STPG2: variants seen among roughly 807,000 people sequenced by gnomAD.
STPG2 encodes sperm-tail PG-rich repeat-containing protein 2.
A neutral mutation model predicts 54.2 loss-of-function variants in STPG2; 56 were observed. That is an observed-to-expected ratio of 1.03 (90% CI 0.83 to 1.29). STPG2 has a LOEUF of 1.29. Ranked by LOEUF, STPG2 falls within the 50% of genes most tolerant of loss-of-function variation. The pLI, the probability that STPG2 is intolerant of heterozygous loss-of-function variation, is 0.00. For synonymous variants in STPG2, 200 were observed against 181.8 expected, an observed-to-expected ratio of 1.10 and a Z score of -0.81; for missense variants, 596 against 544.9, an observed-to-expected ratio of 1.09 and a Z score of -0.93.
In STPG2 at chr4:98,038,081, C is replaced by A. The variant is rs981765100; in HGVS notation, c.613-56763G>T. Among the ~76,000 whole-genome samples, 8 of 151,704 alleles carry A rather than the reference C, an allele frequency of 5.3e-5. No homozygotes were observed. In the East Asian group the frequency reaches 1.5e-3, roughly 29 times the overall value. ...TTTAAGACAGGGTCTTGCTATGGTG[C>A]CCAGGCTAGCCTTGAACTCCTGGGC... On this transcript the variant is annotated intron_variant, in intron 5 of 10. Coordinates refer to ENST00000295268, the MANE Select transcript of STPG2 (RefSeq NM_174952.3).
At chr4:97,886,264 A>T (rs901436492) in intron 8 of STPG2, among the ~76,000 whole-genome samples, 14 of 152,242 alleles carry the variant, frequency 9.2e-5, no homozygotes, top group African/African-American at 3.4e-4. Context: ...GGCAAAAAAG[A>T]CTAAATCAAT....
intron 8 of STPG2, among the ~76,000 whole-genome samples, chr4:97,940,249 CT>C (rs1213343012): frequency 2.6e-5 from 4 of 152,124 alleles, no homozygotes; most frequent in Non-Finnish European, 1.5e-5. Context: ...TCATTTCAAC[CT>C]TGGAAAATCT....
At chr4:97,793,021 G>A (rs1055775034) in intron 9 of STPG2, among the ~76,000 whole-genome samples, 12 of 151,902 alleles carry the variant, frequency 7.9e-5, no homozygotes, top group Non-Finnish European at 1.5e-5. Flanking sequence ...GGCTTGGTGG[G>A]GAGTCACCTG....
intron 10 of STPG2, among the ~76,000 whole-genome samples, chr4:97,598,806 A>G (rs979118949): frequency 3.3e-5 from 5 of 152,162 alleles, no homozygotes; most frequent in African/African-American, 9.7e-5. Context: ...TAAAACCTAA[A>G]TCTATAAAAA....
chr4:97,592,443 G>T (rs1007594284), intron 10 of STPG2, among the ~76,000 whole-genome samples: 1 of 151,868 alleles, frequency 6.6e-6, no homozygotes, highest in African/African-American at 2.4e-5. Context: ...CACATATAAA[G>T]CCTACTTTTA....
intron 10 of STPG2, among the ~76,000 whole-genome samples, chr4:97,596,813 G>A (rs1465072021): frequency 6.6e-6 from 1 of 151,902 alleles, no homozygotes; most frequent in Admixed American, 6.6e-5. Flanking sequence ...ACCAAAAAGT[G>A]AGAAAAATCT....
intron 4 of STPG2, among the ~76,000 whole-genome samples, chr4:97,538,571 G>A (rs765977164): frequency 3.9e-5 from 6 of 152,192 alleles, no homozygotes; most frequent in Non-Finnish European, 5.9e-5. Flanking sequence ...TCTCATTGGT[G>A]TACCTGAAAG....
chr4:97,630,250 T>A (rs1578436812), intron 10 of STPG2, among the ~76,000 whole-genome samples: 1 of 151,928 alleles, frequency 6.6e-6, no homozygotes, highest in South Asian at 2.1e-4. Flanking sequence ...TGCTTTGTTT[T>A]ATTAATTTCC....
At position 97,768,182 on chromosome 4, in the gene STPG2, A is replaced by G. The variant is rs927637174; in HGVS notation, c.1205-55368T>C. Among the ~76,000 whole-genome samples the G allele has an allele frequency of 1.2e-4, 18 of 149,870 alleles. No homozygotes were observed. In the South Asian group the frequency reaches 3.2e-3, roughly 27 times the overall value. On this transcript the variant is annotated intron_variant, in intron 9 of 10. Transcript: ENST00000295268. ...ACTCCGTCTCAAAAAAAAAAAAAAC[A>G]TAAGAGTTAACCTCTTGATACTAGG...
intron 10 of STPG2, among the ~76,000 whole-genome samples, chr4:97,692,711 T>C (rs1427774877): frequency 6.6e-6 from 1 of 152,200 alleles, no homozygotes; most frequent in African/African-American, 2.4e-5. Flanking sequence ...AGGAAATGTA[T>C]TGTGAAATGA....
intron 4 of STPG2, among the ~76,000 whole-genome samples, chr4:97,530,035 C>A (rs929981492): frequency 6.6e-5 from 10 of 152,082 alleles, no homozygotes; most frequent in Non-Finnish European, 1.0e-4. Flanking sequence ...TATTAGTTAA[C>A]TCCTGTGAAA....
intron 5 of STPG2, among the ~76,000 whole-genome samples, chr4:98,105,044 G>A (rs571634104): frequency 2.8e-4 from 42 of 152,314 alleles, no homozygotes; most frequent in South Asian, 2.3e-3. Flanking sequence ...AGACTCATAC[G>A]CTGCTGAGTG....
intron 7 of STPG2, among the ~76,000 whole-genome samples, chr4:97,960,222 C>A (rs1309078750): frequency 3.3e-5 from 5 of 152,088 alleles, no homozygotes; most frequent in African/African-American, 9.7e-5. Context: ...CCATCTATGA[C>A]AAACCACAAC....
chr4:97,592,268 T>C lies in STPG2; in HGVS notation c.1321-33151A>G, dbSNP rs918802455. ...ATATCAATCCATTCTTAAAATCTAA[T>C]AAATGAAAGCCAAAAAATATTAGAA... On this transcript the variant is annotated intron_variant, in intron 10 of 10. Coordinates refer to ENST00000295268, the MANE Select transcript of STPG2 (RefSeq NM_174952.3). Among the ~76,000 whole-genome samples the C allele has an allele frequency of 7.9e-4, 121 of 152,264 alleles. 2 individuals are homozygous for C. The highest frequency in any genetic ancestry group is 1.0e-4 in the Non-Finnish European group (7 of 68,012).
At position 97,737,755 on chromosome 4, in the gene STPG2, G is replaced by A. The variant is rs182937642; in HGVS notation, c.1205-24941C>T. Among the ~76,000 whole-genome samples the A allele has an allele frequency of 1.4e-3, 212 of 152,290 alleles. 6 individuals are homozygous for A. In the East Asian group the frequency reaches 0.038, roughly 27 times the overall value. On this transcript the variant is annotated intron_variant, in intron 9 of 10. Transcript: ENST00000295268. ...TCTCATCGGTGTACCTGAAAGTGACGGGGAGAATGGAACCAAGCTGGAAAA... is the reference window on the plus strand; with the variant it reads ...TCTCATCGGTGTACCTGAAAGTGACAGGGAGAATGGAACCAAGCTGGAAAA...
chr4:97,928,301 C>T (rs1732410299), intron 8 of STPG2, among the ~76,000 whole-genome samples: 1 of 152,050 alleles, frequency 6.6e-6, no homozygotes, highest in Non-Finnish European at 1.5e-5. Context: ...CTTAATTTAG[C>T]CTGTGTATTG....
intron 9 of STPG2, among the ~76,000 whole-genome samples, chr4:97,750,000 T>C (rs538147246): frequency 6.6e-6 from 1 of 151,986 alleles, no homozygotes; most frequent in South Asian, 2.1e-4. Flanking sequence ...ACTTTATATG[T>C]TATTTTCTCA....
At chr4:97,945,109 G>T (rs142546853) in intron 7 of STPG2, among the ~76,000 whole-genome samples, 225 of 152,118 alleles carry the variant, frequency 1.5e-3, no homozygotes, top group African/African-American at 5.3e-3. Flanking sequence ...TTCCTTACAT[G>T]GATGTATAGT....
At chr4:97,618,967 A>G (rs989242137) in intron 10 of STPG2, among the ~76,000 whole-genome samples, 4 of 152,182 alleles carry the variant, frequency 2.6e-5, no homozygotes, top group Non-Finnish European at 5.9e-5. Context: ...ATTACTAAGT[A>G]ACTTACAAAC....
Sources: gnomAD v4.1 joint callset for allele counts (sites outside exome capture counted in the v4.1 genomes callset) on GRCh38, gnomAD v4.1.1 for gene constraint, MANE v1.5 for transcripts, NCBI Gene and HGNC (gene_info 2026-07-23, HGNC 2026-07-21) for gene names.